The following CUL3 variants were observed in gnomAD, a reference collection of about 807,000 sequenced individuals.
The protein encoded by CUL3 is cullin-3.
CUL3 carries 19 observed loss-of-function variants against 89.1 expected under a neutral mutation model. The ratio of observed to expected loss-of-function variants is 0.21; its 90% CI spans 0.15 to 0.31. CUL3 has a LOEUF of 0.31. Among genes scored for constraint, CUL3 ranks in the 10% least tolerant of loss-of-function variants. The pLI, the probability that CUL3 is intolerant of heterozygous loss-of-function variation, is 1.00. For synonymous variants in CUL3, 351 were observed against 308.4 expected, an observed-to-expected ratio of 1.14 and a Z score of -1.45; for missense variants, 469 against 942.3, an observed-to-expected ratio of 0.50 and a Z score of 6.58.
At chr2:224,534,433 GA>G (rs1414215127) in intron 3 of CUL3, among the ~76,000 whole-genome samples, 2 of 152,300 alleles carry the variant, frequency 1.3e-5, no homozygotes, top group Non-Finnish European at 2.9e-5. Context: ...ATGAGTGTAT[GA>G]TTATCAGAAA....
At chr2:224,531,976 A>G (rs563897694) in intron 3 of CUL3, among the ~76,000 whole-genome samples, 1 of 152,346 alleles carries the variant, frequency 6.6e-6, no homozygotes, top group East Asian at 1.9e-4. Flanking sequence ...GACAATAAAG[A>G]GAAAACTGGA....
At chr2:224,526,298 T>C (rs1237455905) in intron 3 of CUL3, among the ~76,000 whole-genome samples, 5 of 152,168 alleles carry the variant, frequency 3.3e-5, no homozygotes, top group Non-Finnish European at 7.4e-5. Context: ...ATGTGATGTA[T>C]TTCCGGGCTG....
rs1692337500 is a variant in CUL3, at chr2:224,500,457, G to A, written c.1516C>T (p.Arg506Trp). 2.5e-6 allele frequency: 4 copies of A among 1,613,626 alleles called. No individual in the cohort carries two copies. The highest frequency in any genetic ancestry group is 3.4e-6 in the Non-Finnish European group (4 of 1,179,898). ...GGCCAATATCCTGTCGTGAGCACCC[G>A]GACTGTAAGATCAACACCACCTAAA... The part of the protein sequence containing the change: ...VSLGGVDLTV[R>W]VLTTGYWPTQ... The change falls in exon 11 of 16, where the codon CGG becomes TGG. Residue 506 changes from arginine to tryptophan, a missense_variant. By Grantham distance (101) the Arg-to-Trp change is moderately radical (BLOSUM62 -3). This residue lies in a region of CUL3 where 370 missense variants were observed against 733.2 expected (regional missense o/e 0.50). Transcript: ENST00000264414.
At chr2:224,490,308 T>C (rs1691909966) in intron 13 of CUL3, among the ~76,000 whole-genome samples, 1 of 152,148 alleles carries the variant, frequency 6.6e-6, no homozygotes, top group East Asian at 1.9e-4. Context: ...GCATAAGCTG[T>C]CCTCTCTCTC....
chr2:224,545,717 A>T (rs1426267512), intron 2 of CUL3, among the ~76,000 whole-genome samples: 2 of 152,136 alleles, frequency 1.3e-5, no homozygotes. Flanking sequence ...TCTCTGAGGG[A>T]GAGGGGAGAA....
intron 1 of CUL3, chr2:224,569,642 T>C: frequency 2.0e-6 from 2 of 996,916 alleles, no homozygotes; most frequent in Non-Finnish European, 1.2e-6. Context: ...AAATATAACC[T>C]TCAAAATGCC....
chr2:224,487,142 G>A (rs1054458752), intron 13 of CUL3, among the ~76,000 whole-genome samples: 5 of 152,108 alleles, frequency 3.3e-5, no homozygotes, highest in South Asian at 2.1e-4. Context: ...AAGAAAAATC[G>A]GTACCAGCCA....
intron 2 of CUL3, among the ~76,000 whole-genome samples, chr2:224,538,648 A>T (rs370761221): frequency 3.3e-4 from 50 of 152,324 alleles, no homozygotes; most frequent in Middle Eastern, 3.4e-3. Flanking sequence ...TACTAAAATT[A>T]CACAGATAAA....
chr2:224,477,158 G>A (rs1211598958), intron 15 of CUL3, among the ~76,000 whole-genome samples: 1 of 152,110 alleles, frequency 6.6e-6, no homozygotes, highest in African/African-American at 2.4e-5. Context: ...CTAAAGCAGT[G>A]TTCTCAAATT....
At chr2:224,581,158 A>T (rs919073064) in intron 1 of CUL3, among the ~76,000 whole-genome samples, 1 of 152,138 alleles carries the variant, frequency 6.6e-6, no homozygotes, top group African/African-American at 2.4e-5. Flanking sequence ...GCACTTTGAG[A>T]GGCCAAGGCA....
chr2:224,523,986 G>C (rs916677373), intron 3 of CUL3, among the ~76,000 whole-genome samples: 1 of 152,102 alleles, frequency 6.6e-6, no homozygotes, highest in Non-Finnish European at 1.5e-5. Context: ...GGAGAGGATG[G>C]TGGTGACAGC....
chr2:224,508,178 AG>A (rs1692675835), intron 6 of CUL3, among the ~76,000 whole-genome samples: 1 of 151,732 alleles, frequency 6.6e-6, no homozygotes, highest in African/African-American at 2.4e-5. Flanking sequence ...CTTGGTCTAC[AG>A]TTCTAAGAGT....
In CUL3 at chr2:224,472,716, A is replaced by C. The variant is rs977866651; in HGVS notation, c.*1529T>G. The stretch of plus-strand genomic sequence containing the variant: ...GCAATAAAAGCATATTTGCAAGTCT[A>C]AAAGGAAAATTATAACCCAAGACGC... On this transcript the variant is annotated 3_prime_UTR_variant, in exon 16 of 16. Transcript: ENST00000264414. 2 of 195,068 alleles carry C rather than the reference A, an allele frequency of 1.0e-5. No individual in the cohort carries two copies. The highest frequency in any genetic ancestry group is 4.6e-5 in the African/African-American group (2 of 43,200). 12.1% of individuals were successfully genotyped at this position (195,068 alleles called of 1,614,324 possible).
chr2:224,490,495 G>A (rs773647522), intron 13 of CUL3, among the ~76,000 whole-genome samples: 7 of 151,794 alleles, frequency 4.6e-5, no homozygotes, highest in Non-Finnish European at 7.4e-5. Context: ...CGGTTTCCGC[G>A]TCTTGGTGGT....
chr2:224,530,523 G>GT (rs1198825570), intron 3 of CUL3, among the ~76,000 whole-genome samples: 3 of 152,100 alleles, frequency 2.0e-5, no homozygotes, highest in African/African-American at 7.2e-5. Context: ...CTTAAATGAG[G>GT]TATCGGTTAG....
At chr2:224,507,056 C>A (rs890185976) in intron 6 of CUL3, 53 bp from the exon 7 acceptor site, 1 of 1,549,126 alleles carries the variant, frequency 6.5e-7, no homozygotes, top group Non-Finnish European at 8.8e-7. Flanking sequence ...GAAAAAAACA[C>A]GAATCTCTGT....
chr2:224,556,602 T>C (rs1009542994), intron 2 of CUL3, among the ~76,000 whole-genome samples: 1 of 152,060 alleles, frequency 6.6e-6, no homozygotes, highest in Non-Finnish European at 1.5e-5. Flanking sequence ...AGAAAACAAA[T>C]TGCTATAAAG....
intron 2 of CUL3, among the ~76,000 whole-genome samples, chr2:224,548,107 G>GA (rs1175129243): frequency 6.6e-6 from 1 of 152,174 alleles, no homozygotes; most frequent in Non-Finnish European, 1.5e-5. Flanking sequence ...ATTCAAAAAA[G>GA]AAAGTCACTT....
In CUL3 at chr2:224,470,503, ATTC is replaced by A. The variant is rs1208126121; in HGVS notation, c.*3739_*3741del. ...TCATTACCTGTTAAATTTATCTGCC[ATTC>A]TTAACGTCTCTTCTTCCTTCTGGCT... On this transcript the variant is annotated 3_prime_UTR_variant, in exon 16 of 16. Transcript: ENST00000264414. 8.9e-6 allele frequency: 2 copies of A among 224,590 alleles called. No individual in the cohort carries two copies. Among genetic ancestry groups the A allele is most frequent in the Non-Finnish European group, 1.7e-5 (2 of 115,806 alleles). The allele number at this position is 224,590 out of a possible 1,614,324, so 13.9% of individuals were successfully genotyped here.
Sources: allele counts gnomAD v4.1 joint callset (sites outside exome capture counted in the v4.1 genomes callset), GRCh38; gene constraint gnomAD v4.1.1; regional missense constraint gnomAD v4.1.1; transcripts MANE v1.5; gene names NCBI Gene and HGNC (gene_info 2026-07-23, HGNC 2026-07-21).